MTA3: variants seen among roughly 807,000 people sequenced by gnomAD.
The protein encoded by MTA3 is metastasis associated 1 family member 3.
MTA3 carries 34 observed loss-of-function variants against 83.5 expected under a neutral mutation model. The ratio of observed to expected loss-of-function variants is 0.41; its 90% CI spans 0.31 to 0.54. The LOEUF (loss-of-function observed/expected upper bound fraction) is 0.54. MTA3 is among the 20% of genes least tolerant of loss of function. The probability of loss-of-function intolerance (pLI) is 0.33; values close to 1 mark genes in which losing one functional copy is unlikely to be tolerated. For missense variants in MTA3, 761 were observed against 726.4 expected (o/e 1.05, Z -0.55); for synonymous variants, 303 against 252.7 (o/e 1.20, Z -1.89).
chr2:42,716,059 G>A (rs1286788699), intron 14 of MTA3, among the ~76,000 whole-genome samples: 2 of 152,118 alleles, frequency 1.3e-5, no homozygotes, highest in African/African-American at 4.8e-5. Context: ...GCTTCCTAGT[G>A]TTTATTTAGA....
intron 15 of MTA3, among the ~76,000 whole-genome samples, 194 bp downstream of exon 15, chr2:42,719,268 A>G (rs1243276366): frequency 3.3e-5 from 5 of 152,186 alleles, no homozygotes; most frequent in African/African-American, 1.2e-4. Flanking sequence ...ACATACACAC[A>G]CAGATTTATG....
chr2:42,683,499 A>G (rs971108713), intron 9 of MTA3, among the ~76,000 whole-genome samples: 1 of 152,130 alleles, frequency 6.6e-6, no homozygotes, highest in East Asian at 1.9e-4. Flanking sequence ...ATTCAGGTGC[A>G]TTACGTTTAT....
At chr2:42,724,885 G>A (rs1667706313) in intron 16 of MTA3, among the ~76,000 whole-genome samples, 1 of 152,202 alleles carries the variant, frequency 6.6e-6, no homozygotes, top group African/African-American at 2.4e-5. Context: ...CTGCCACACG[G>A]TCATTGCTTC....
chr2:42,597,723 C>G (rs1009883839), intron 3 of MTA3, among the ~76,000 whole-genome samples: 5 of 146,070 alleles, frequency 3.4e-5, no homozygotes, highest in African/African-American at 1.3e-4. Context: ...CTCTGTTGCC[C>G]AGGCTGGAGT....
chr2:42,741,583 G>A (rs1380054174), intron 16 of MTA3, among the ~76,000 whole-genome samples: 1 of 144,676 alleles, frequency 6.9e-6, no homozygotes, highest in African/African-American at 2.6e-5. Flanking sequence ...ATATTGTTGT[G>A]TCTCTGAGAA....
intron 2 of MTA3, among the ~76,000 whole-genome samples, chr2:42,553,512 T>G (rs1159466189): frequency 6.7e-6 from 1 of 148,240 alleles, no homozygotes; most frequent in East Asian, 2.0e-4. Flanking sequence ...GAGGCGGGCA[T>G]ATCACCTGAG....
At chr2:42,744,097 A>T (rs1468164601) in intron 16 of MTA3, among the ~76,000 whole-genome samples, 1 of 152,180 alleles carries the variant, frequency 6.6e-6, no homozygotes, top group East Asian at 1.9e-4. Context: ...AAGGACTATT[A>T]TGCCCCCAGG....
chr2:42,544,672 C>A (rs1676678729), intron 2 of MTA3, among the ~76,000 whole-genome samples: 1 of 151,542 alleles, frequency 6.6e-6, no homozygotes, highest in African/African-American at 2.4e-5. Flanking sequence ...CAGTCGTGAG[C>A]CACTTTGCCC....
At chr2:42,666,216 G>A (rs1423798704) in intron 8 of MTA3, among the ~76,000 whole-genome samples, 1 of 152,266 alleles carries the variant, frequency 6.6e-6, no homozygotes, top group East Asian at 1.9e-4. Context: ...GGCGGAGGTT[G>A]CAGTGAGCCG....
intron 4 of MTA3, among the ~76,000 whole-genome samples, chr2:42,627,868 A>G (rs1345271276): frequency 2.0e-5 from 3 of 150,486 alleles, no homozygotes; most frequent in African/African-American, 7.4e-5. Context: ...ATGAGCCACC[A>G]TTCCCTGCCA....
chr2:42,667,345 C>G (rs1231889070), intron 8 of MTA3, among the ~76,000 whole-genome samples: 1 of 152,114 alleles, frequency 6.6e-6, no homozygotes, highest in Non-Finnish European at 1.5e-5. Context: ...TTACCACCAT[C>G]CATCTCTGGA....
chr2:42,543,597 C>T (rs1009999733), intron 2 of MTA3, among the ~76,000 whole-genome samples: 2 of 151,920 alleles, frequency 1.3e-5, no homozygotes, highest in Non-Finnish European at 2.9e-5. Flanking sequence ...GCAATCCTCC[C>T]ACCTCATCCT....
At chr2:42,724,946 T>G (rs1667709823) in intron 16 of MTA3, among the ~76,000 whole-genome samples, 1 of 152,252 alleles carries the variant, frequency 6.6e-6, no homozygotes, top group South Asian at 2.1e-4. Context: ...TCCTTGGTTT[T>G]CTGTAGACAG....
chr2:42,706,680 G>C (rs972731838), intron 12 of MTA3, among the ~76,000 whole-genome samples: 1 of 152,068 alleles, frequency 6.6e-6, no homozygotes, highest in African/African-American at 2.4e-5. Flanking sequence ...TTAAACTTCA[G>C]ATCTATCACA....
intron 2 of MTA3, among the ~76,000 whole-genome samples, chr2:42,548,031 C>T (rs1462211054): frequency 6.6e-6 from 1 of 152,198 alleles, no homozygotes; most frequent in Non-Finnish European, 1.5e-5. Context: ...AGATAAGCTG[C>T]CCTGTGGTCC....
intron 9 of MTA3, among the ~76,000 whole-genome samples, chr2:42,689,661 T>C (rs1224232182): frequency 6.6e-6 from 1 of 152,206 alleles, no homozygotes; most frequent in African/African-American, 2.4e-5. Flanking sequence ...TTTACTATTA[T>C]AAAGATGTTT....
At chr2:42,576,194 C>T (rs950780260) in intron 2 of MTA3, among the ~76,000 whole-genome samples, 4 of 152,146 alleles carry the variant, frequency 2.6e-5, no homozygotes, top group African/African-American at 9.6e-5. Flanking sequence ...GGGAGACACC[C>T]GGAAAGACAA....
chr2:42,566,125 G>C (rs1677901297), upstream of MTA3, among the ~76,000 whole-genome samples: 1 of 152,138 alleles, frequency 6.6e-6, no homozygotes, highest in Non-Finnish European at 1.5e-5. Flanking sequence ...GGTCTTTATA[G>C]TTAAACTGCC....
chr2:42,583,494 G>C (rs541933038), intron 3 of MTA3, among the ~76,000 whole-genome samples: 1 of 152,186 alleles, frequency 6.6e-6, no homozygotes, highest in Admixed American at 6.5e-5. Flanking sequence ...TAATTTTCCT[G>C]AACTTTAGTT....
Sources: allele counts gnomAD v4.1 joint callset (sites outside exome capture counted in the v4.1 genomes callset), GRCh38; gene constraint gnomAD v4.1.1; transcripts MANE v1.5; gene names NCBI Gene and HGNC (gene_info 2026-07-23, HGNC 2026-07-21).